The following KCNJ15 variants were observed in gnomAD, a reference collection of about 807,000 sequenced individuals.
KCNJ15 encodes potassium inwardly rectifying channel subfamily J member 15.
In KCNJ15, 14 loss-of-function variants were observed where a neutral mutation model predicts 23.0. That is an observed-to-expected ratio of 0.61 (90% confidence interval 0.40 to 0.95). The LOEUF (loss-of-function observed/expected upper bound fraction) is 0.95, where lower values mean the gene tolerates loss of function less well. Among genes scored for constraint, KCNJ15 ranks in the 40% least tolerant of loss-of-function variants. The probability of loss-of-function intolerance (pLI) is 0.00; values close to 1 mark genes in which losing one functional copy is unlikely to be tolerated. For missense variants in KCNJ15, 388 were observed against 461.8 expected (o/e 0.84, Z 1.46); for synonymous variants, 185 against 183.2 (o/e 1.01, Z -0.08).
At chr21:38,268,416 G>A (rs934370487) in intron 1 of KCNJ15, among the ~76,000 whole-genome samples, 1 of 115,958 alleles carries the variant, frequency 8.6e-6, no homozygotes, top group Non-Finnish European at 1.8e-5. Flanking sequence ...AGTATTGAAA[G>A]TTATGTAGGT....
chr21:38,282,155 G>A (rs1983417766), intron 1 of KCNJ15, among the ~76,000 whole-genome samples: 1 of 151,948 alleles, frequency 6.6e-6, no homozygotes. Flanking sequence ...GTTCACCATG[G>A]ATTCATTTTA....
intron 1 of KCNJ15, among the ~76,000 whole-genome samples, chr21:38,274,974 C>A (rs1982512006): frequency 6.6e-6 from 1 of 152,114 alleles, no homozygotes; most frequent in African/African-American, 2.4e-5. Flanking sequence ...ACCTCCAGCC[C>A]CAAATTTAAT....
chr21:38,247,891 AT>A (rs1419039783), intron 1 of KCNJ15, among the ~76,000 whole-genome samples: 1 of 152,198 alleles, frequency 6.6e-6, no homozygotes, highest in Non-Finnish European at 1.5e-5. Flanking sequence ...TGAGGAAGAA[AT>A]CCAACACCAA....
chr21:38,239,377 AC>A (rs1978835363), intron 1 of KCNJ15, among the ~76,000 whole-genome samples: 1 of 152,134 alleles, frequency 6.6e-6, no homozygotes. Context: ...CAGGGACCCC[AC>A]CTCCCCAAAA....
At chr21:38,249,026 T>C (rs1156716299) in intron 1 of KCNJ15, among the ~76,000 whole-genome samples, 1 of 152,146 alleles carries the variant, frequency 6.6e-6, no homozygotes, top group Non-Finnish European at 1.5e-5. Flanking sequence ...AGCTCTAGAA[T>C]TTGAATCTAT....
At chr21:38,256,107 G>T (rs2836245), upstream of KCNJ15, among the ~76,000 whole-genome samples, 114,918 of 151,836 alleles carry the variant, frequency 0.76, 44,062 homozygotes, top group African/African-American at 0.88. Flanking sequence ...AGCCTTGGAC[G>T]GGCCTCCCTT....
At chr21:38,240,543 T>C (rs772766830) in intron 1 of KCNJ15, among the ~76,000 whole-genome samples, 27 of 152,206 alleles carry the variant, frequency 1.8e-4, no homozygotes, top group Non-Finnish European at 3.1e-4. Context: ...GTTCTCAAAA[T>C]GCATCTGAGT....
intron 1 of KCNJ15, among the ~76,000 whole-genome samples, chr21:38,289,894 T>A (rs187796247): frequency 6.6e-6 from 1 of 152,310 alleles, no homozygotes; most frequent in Admixed American, 6.5e-5. Flanking sequence ...AGAGGGAGAA[T>A]ATGCTTATTA....
chr21:38,298,030 C>G (rs1985336851), intron 2 of KCNJ15: 1 of 152,172 alleles, frequency 6.6e-6, no homozygotes, highest in African/African-American at 2.4e-5. Flanking sequence ...ATCTGTATAT[C>G]AGTTCCTTAA....
rs745651544 is a variant in KCNJ15 at position 38,299,880 on chromosome 21, T to C, written c.619T>C (p.Leu207=). The part of the protein sequence containing the change: ...IQVANMRKSL[L]IQCQLSGKLL... ...GGTAGCCAATATGAGGAAGAGCCTC[T>C]TGATTCAGTGCCAGCTCTCTGGCAA... Residue 207 remains leucine (L), a synonymous_variant, in exon 3 of 3, where the codon TTG becomes CTG. Coordinates refer to ENST00000398938, the MANE Select transcript of KCNJ15 (RefSeq NM_170736.3). This position sits in a 1 kb window ranked among gnomAD's most constrained non-coding sequence, Gnocchi z 4.5. 7 of 1,614,060 alleles carry C rather than the reference T, an allele frequency of 4.3e-6. No homozygotes were observed. Among genetic ancestry groups the C allele is most frequent in the Middle Eastern group, 3.3e-4 (2 of 6,062 alleles).
chr21:38,282,424 A>G (rs1285901511), intron 1 of KCNJ15, among the ~76,000 whole-genome samples: 1 of 152,140 alleles, frequency 6.6e-6, no homozygotes, highest in Non-Finnish European at 1.5e-5. Flanking sequence ...CATAGTTTTT[A>G]TCGGTTTTGT....
chr21:38,289,094 G>A (rs1266484423), intron 1 of KCNJ15, among the ~76,000 whole-genome samples: 1 of 151,182 alleles, frequency 6.6e-6, no homozygotes, highest in African/African-American at 2.4e-5. Context: ...CTCCTCGGGA[G>A]GTTGAGGCAC....
intron 1 of KCNJ15, among the ~76,000 whole-genome samples, chr21:38,283,393 G>T (rs1439713145): frequency 1.3e-5 from 2 of 152,064 alleles, no homozygotes. Context: ...GTTTTATTTT[G>T]ATCTTACCTA....
rs570352991 is a variant in KCNJ15, at chr21:38,303,182, T to A, written c.*2793T>A. ...ACTATTATTACTTTGTACGTAATAC[T>A]TTCATGTTACTATGCTAACAAAGGA... On this transcript the variant is annotated 3_prime_UTR_variant, in exon 3 of 3. Coordinates refer to ENST00000398938, the MANE Select transcript of KCNJ15 (RefSeq NM_170736.3). The A allele has an allele frequency of 6.6e-6, 1 of 152,112 alleles. No individual in the cohort carries two copies. The highest frequency in any genetic ancestry group is 2.1e-4 in the South Asian group (1 of 4,818). The allele number at this position is 152,112 out of a possible 1,614,324, so 9.4% of individuals were successfully genotyped here. A position where few individuals can be genotyped will look rare whatever the true frequency, so the allele number is the denominator to read the frequency against.
At chr21:38,286,034 G>C (rs1234411195) in intron 1 of KCNJ15, among the ~76,000 whole-genome samples, 2 of 152,174 alleles carry the variant, frequency 1.3e-5, no homozygotes, top group Non-Finnish European at 2.9e-5. Flanking sequence ...ACGAGGTCAG[G>C]AGATTGAGAC....
intron 1 of KCNJ15, among the ~76,000 whole-genome samples, chr21:38,262,790 G>C (rs1021773520): frequency 2.6e-5 from 4 of 151,586 alleles, no homozygotes; most frequent in Non-Finnish European, 4.4e-5. Context: ...AGATTCTCCT[G>C]CCTTAGTCTC....
chr21:38,275,639 A>G (rs1393433436), intron 1 of KCNJ15, among the ~76,000 whole-genome samples: 3 of 152,038 alleles, frequency 2.0e-5, no homozygotes, highest in African/African-American at 7.2e-5. Flanking sequence ...GTGCCCCACC[A>G]AAATATTCTG....
Position 38,305,357 on chromosome 21 carries a change from T to C in KCNJ15, c.*4968T>C, listed in dbSNP as rs1333333093. 7 of 152,240 alleles carry C rather than the reference T, an allele frequency of 4.6e-5. No individual in the cohort carries two copies. Among genetic ancestry groups the C allele is most frequent in the Non-Finnish European group, 8.8e-5 (6 of 68,042 alleles). The allele number at this position is 152,240 out of a possible 1,614,324, so 9.4% of individuals were successfully genotyped here. A position where few individuals can be genotyped will look rare whatever the true frequency, so the allele number is the denominator to read the frequency against. ...TCCACATATTTGAGGGCAGGAATTT[T>C]TACTTTTCAATTGGTATGTTGGCAG... On this transcript the variant is annotated 3_prime_UTR_variant, in exon 3 of 3. Transcript: ENST00000398938.
rs75928023 is a variant in KCNJ15 at position 38,278,906 on chromosome 21, G to A, written c.-116-18020G>A. Reference sequence around the variant, plus strand: ...AGACAATGGGGCCACTAAGCTGGGCGGCAGAGTGCTTTAGGGACACCACTG... The same window carrying A: ...AGACAATGGGGCCACTAAGCTGGGCAGCAGAGTGCTTTAGGGACACCACTG... On this transcript the variant is annotated intron_variant, in intron 1 of 2. Transcript: ENST00000398938. Among the ~76,000 whole-genome samples, 23 of 152,320 alleles carry A rather than the reference G, an allele frequency of 1.5e-4. No homozygotes were observed. The East Asian group carries it at 3.7e-3, about 24-fold the overall frequency.
Sources: allele counts gnomAD v4.1 joint callset (sites outside exome capture counted in the v4.1 genomes callset), GRCh38; gene constraint gnomAD v4.1.1; non-coding constraint Gnocchi (gnomAD v3.1); transcripts MANE v1.5; gene names NCBI Gene and HGNC (gene_info 2026-07-23, HGNC 2026-07-21).